LRRC28: variants seen among roughly 807,000 people sequenced by gnomAD.
LRRC28 encodes the protein leucine rich repeat containing 28.
Under a neutral mutation model 45.7 loss-of-function variants are expected in LRRC28, and 39 were observed. That is an observed-to-expected ratio of 0.85 (90% CI 0.66 to 1.12). LRRC28 has a LOEUF of 1.12. Among genes scored for constraint, LRRC28 ranks in the 50% most tolerant of loss-of-function variants. The pLI, the probability that LRRC28 is intolerant of heterozygous loss-of-function variation, is 0.00. For synonymous variants in LRRC28, 206 were observed against 178.8 expected (o/e 1.15, Z -1.22); for missense variants, 435 against 438.5 (o/e 0.99, Z 0.07).
Position 99,363,154 on chromosome 15 carries a change from T to C in LRRC28, c.920T>C (p.Leu307Pro), listed in dbSNP as rs1248811576. 2 of 1,613,926 alleles carry C rather than the reference T, an allele frequency of 1.2e-6. No individual in the cohort carries two copies. The highest frequency in any genetic ancestry group is 1.7e-6 in the Non-Finnish European group (2 of 1,179,910). The change falls in exon 9 of 10, where the codon CTG (leucine) becomes CCG (proline). Residue 307 changes from leucine (L) to proline (P), a missense_variant. Leu to Pro is a moderately conservative substitution (Grantham distance 98). Transcript: ENST00000301981. ...PISLPRSLLE[L>P]LHCPLGHCHR... ...TCATTACCCAGAAGTCTCCTAGAGC[T>C]GCTGCACTGCCCTCTGGGGCACTGT...
At position 99,334,857 on chromosome 15, in the gene LRRC28, C is replaced by T. The variant is rs987531485; in HGVS notation, c.592+728C>T. ...CATCATATGATTTTACTCATAAAAG[C>T]ATTTTTATAATTTATCTCTGAGGGT... On this transcript the variant is annotated intron_variant, in intron 6 of 9. Coordinates refer to ENST00000301981, the MANE Select transcript of LRRC28 (RefSeq NM_144598.5). Among the ~76,000 whole-genome samples, 4 of 152,210 alleles carry T rather than the reference C, an allele frequency of 2.6e-5. No homozygotes were observed. The East Asian group carries it at 7.7e-4, about 29-fold the overall frequency.
rs114816425 is a variant in LRRC28 at position 99,342,445 on chromosome 15, G to A, written c.592+8316G>A. 7.6e-4 allele frequency among the ~76,000 whole-genome samples: 116 copies of A among 152,286 alleles called. 1 individual carries two copies. Among genetic ancestry groups the A allele is most frequent in the African/African-American group, 2.5e-3 (105 of 41,548 alleles). ...TGATAGCTGTGGAATCTTGGACTTC[G>A]GAAGGTTATTGAAGTCTCAGTAAAA... On this transcript the variant is annotated intron_variant, in intron 6 of 9. Transcript: ENST00000301981.
intron 7 of LRRC28, among the ~76,000 whole-genome samples, chr15:99,354,156 G>A (rs534068904): frequency 2.6e-5 from 4 of 152,232 alleles, no homozygotes; most frequent in African/African-American, 9.6e-5. Context: ...GGCATTTTTA[G>A]CCTGTTGGTT....
chr15:99,354,011 A>AACT (rs200948168), intron 7 of LRRC28: 1 of 152,230 alleles, frequency 6.6e-6, no homozygotes, highest in East Asian at 1.9e-4. Flanking sequence ...GTAATAGTCT[A>AACT]CTTTTTTATT....
chr15:99,271,677 A>G (rs905497527), intron 2 of LRRC28, among the ~76,000 whole-genome samples: 9 of 151,368 alleles, frequency 5.9e-5, no homozygotes, highest in African/African-American at 2.2e-4. Flanking sequence ...GCTCACTGCA[A>G]CCTCCCCCTC....
At chr15:99,295,947 C>A (rs1232227774) in intron 5 of LRRC28, among the ~76,000 whole-genome samples, 1 of 152,178 alleles carries the variant, frequency 6.6e-6, no homozygotes, top group Non-Finnish European at 1.5e-5. Flanking sequence ...AGTATCCTTT[C>A]TTAGGTCTGT....
At chr15:99,342,274 C>T (rs1348115312) in intron 6 of LRRC28, among the ~76,000 whole-genome samples, 1 of 152,174 alleles carries the variant, frequency 6.6e-6, no homozygotes, top group East Asian at 1.9e-4. Context: ...TCACCCTTAG[C>T]CCCCGGGGAA....
chr15:99,377,223 T>G lies in LRRC28; in HGVS notation c.1032-8807T>G, dbSNP rs557546599. Among the ~76,000 whole-genome samples, 141 of 151,802 alleles carry G rather than the reference T, an allele frequency of 9.3e-4. 4 individuals carry two copies. Among genetic ancestry groups the G allele is most frequent in the Middle Eastern group, 6.8e-3 (2 of 294 alleles). ...CCAGCACCTGTTGTTTCCTGACTTT[T>G]TAATGATCGCCATTCTAACTGGTGT... On this transcript the variant is annotated intron_variant, in intron 9 of 9. Coordinates refer to ENST00000301981, the MANE Select transcript of LRRC28 (RefSeq NM_144598.5).
At chr15:99,259,517 A>C (rs879029023) in intron 2 of LRRC28, 2 of 1,171,440 alleles carry the variant, frequency 1.7e-6, no homozygotes, top group African/African-American at 3.0e-5. Flanking sequence ...TGAAAAGGCT[A>C]TGGTATCTCA....
At position 99,390,201 on chromosome 15, in the gene LRRC28, C is replaced by G. The variant is rs1031644134; in HGVS notation, c.*4099C>G. ...TCAGCTAATAGATCTGAAAGTGATG[C>G]CGGTGTCTCTAGGAAAGGAATTGAT... On this transcript the variant is annotated 3_prime_UTR_variant, in exon 10 of 10. Transcript: ENST00000301981. The G allele has an allele frequency of 3.3e-5, 5 of 152,206 alleles. No individual in the cohort carries two copies. The highest frequency in any genetic ancestry group is 1.2e-4 in the African/African-American group (5 of 41,450). The allele number at this position is 152,206 out of a possible 1,614,324, so 9.4% of individuals were successfully genotyped here.
At chr15:99,262,418 C>A (rs1431051723) in intron 2 of LRRC28, among the ~76,000 whole-genome samples, 1 of 151,912 alleles carries the variant, frequency 6.6e-6, no homozygotes, top group Non-Finnish European at 1.5e-5. Context: ...CCCATCTCTA[C>A]CAAAAATACA....
chr15:99,339,448 G>A (rs1025166136), intron 6 of LRRC28, among the ~76,000 whole-genome samples: 2 of 152,134 alleles, frequency 1.3e-5, no homozygotes, highest in Non-Finnish European at 1.5e-5. Flanking sequence ...AACAGTGATT[G>A]GGCTGGGAAC....
At chr15:99,287,337 T>G in intron 4 of LRRC28, 43 bp downstream of exon 4, 1 of 1,397,022 alleles carries the variant, frequency 7.2e-7, no homozygotes, top group South Asian at 1.4e-5. Flanking sequence ...TAATATAATT[T>G]AAGCTTTGCT....
chr15:99,312,682 A>G lies in LRRC28; in HGVS notation c.386-21241A>G, dbSNP rs184451119. Among the ~76,000 whole-genome samples, 446 of 152,338 alleles carry G rather than the reference A, an allele frequency of 2.9e-3. 2 individuals are homozygous for G. The highest frequency in any genetic ancestry group is 0.01 in the African/African-American group (434 of 41,578). On this transcript the variant is annotated intron_variant, in intron 5 of 9. Coordinates refer to ENST00000301981, the MANE Select transcript of LRRC28 (RefSeq NM_144598.5). The stretch of plus-strand genomic sequence containing the variant: ...ATAGTAGGTTTGTGTTTATACCAGC[A>G]TCATCACAAACACGTGAGTAATGAG...
intron 5 of LRRC28, among the ~76,000 whole-genome samples, chr15:99,306,623 A>G (rs1390776272): frequency 6.6e-6 from 1 of 152,234 alleles, no homozygotes; most frequent in Non-Finnish European, 1.5e-5. Context: ...ATAGCATAAT[A>G]AAAGGAGTTG....
At chr15:99,276,658 A>G (rs745799612) in intron 3 of LRRC28, 42 bp downstream of exon 3, 19 of 1,428,208 alleles carry the variant, frequency 1.3e-5, no homozygotes, top group Middle Eastern at 1.8e-4. Flanking sequence ...AAGAATGAAA[A>G]TAATTCTAAG....
chr15:99,359,319 G>T (rs1957134559), intron 7 of LRRC28, among the ~76,000 whole-genome samples: 1 of 152,164 alleles, frequency 6.6e-6, no homozygotes, highest in African/African-American at 2.4e-5. Context: ...ACAAAGGATT[G>T]TTATTGCCAA....
chr15:99,326,151 G>A (rs1200995109), intron 5 of LRRC28, among the ~76,000 whole-genome samples: 2 of 152,024 alleles, frequency 1.3e-5, no homozygotes, highest in Non-Finnish European at 2.9e-5. Flanking sequence ...TTACAGTGGT[G>A]TTCCCAGATT....
chr15:99,307,133 TGA>T (rs5814932), intron 5 of LRRC28, among the ~76,000 whole-genome samples: 2 of 152,070 alleles, frequency 1.3e-5, no homozygotes, highest in Admixed American at 6.5e-5. Flanking sequence ...ATGTTTTCAT[TGA>T]GAGAGAGAGT....
Sources: allele counts gnomAD v4.1 joint callset (sites outside exome capture counted in the v4.1 genomes callset), GRCh38; gene constraint gnomAD v4.1.1; transcripts MANE v1.5; gene names NCBI Gene and HGNC (gene_info 2026-07-23, HGNC 2026-07-21).